Variants in PPFIBP1 observed in about 807,000 individuals in gnomAD.
The protein encoded by PPFIBP1 is liprin-beta-1.
A neutral mutation model predicts 137.8 loss-of-function variants in PPFIBP1; 112 were observed. The ratio of observed to expected loss-of-function variants is 0.81; its 90% CI spans 0.70 to 0.95. The LOEUF (loss-of-function observed/expected upper bound fraction) is 0.95. Among genes scored for constraint, PPFIBP1 ranks in the 40% least tolerant of loss-of-function variants. PPFIBP1 has a pLI of 0.00. For missense variants in PPFIBP1, 1,083 were observed against 1,196.6 expected (o/e 0.91, Z 1.40); for synonymous variants, 378 against 417.3 (o/e 0.91, Z 1.15).
intron 1 of PPFIBP1, among the ~76,000 whole-genome samples, chr12:27,545,398 C>T (rs1321810499): frequency 6.6e-6 from 1 of 152,074 alleles, no homozygotes; most frequent in African/African-American, 2.4e-5. Flanking sequence ...AAAAAATAAG[C>T]CTAGTGATCC....
At chr12:27,551,027 G>A (rs1946728054) in intron 1 of PPFIBP1, among the ~76,000 whole-genome samples, 1 of 149,528 alleles carries the variant, frequency 6.7e-6, no homozygotes, top group East Asian at 1.9e-4. Flanking sequence ...AACTGAGATA[G>A]GTACTCTTAT....
chr12:27,578,147 T>C lies in PPFIBP1; in HGVS notation c.-123-5T>C, dbSNP rs2050727060. ...CTTGTCGTTTTTGTATTTGTTTCTT[T>C]TCAGTATAAAAGAACGTGTGGATCA... On this transcript the variant is annotated splice_polypyrimidine_tract_variant and splice_region_variant and intron_variant, in intron 1 of 29. Coordinates refer to ENST00000228425, the MANE Select transcript of PPFIBP1 (RefSeq NM_003622.4). 6.6e-6 allele frequency: 1 copy of C among 152,240 alleles called. No individual in the cohort carries two copies. The highest frequency in any genetic ancestry group is 2.4e-5 in the African/African-American group (1 of 41,476). 9.4% of individuals were successfully genotyped at this position (152,240 alleles called of 1,614,324 possible).
chr12:27,611,787 T>G (rs1479655016), intron 2 of PPFIBP1, among the ~76,000 whole-genome samples: 2 of 3,682 alleles, frequency 5.4e-4, no homozygotes, highest in Non-Finnish European at 2.3e-3. Context: ...AACACTGTGC[T>G]CTCTCTCTCT....
chr12:27,629,864 A>G (rs1289417250), intron 2 of PPFIBP1, among the ~76,000 whole-genome samples: 1 of 152,178 alleles, frequency 6.6e-6, no homozygotes, highest in Non-Finnish European at 1.5e-5. Flanking sequence ...GTCTATTCTT[A>G]GTACTTCACC....
chr12:27,576,806 G>A (rs1479102144), intron 1 of PPFIBP1, among the ~76,000 whole-genome samples: 1 of 152,150 alleles, frequency 6.6e-6, no homozygotes, highest in East Asian at 1.9e-4. Flanking sequence ...TAAATCTTGT[G>A]TCTAAGTCTG....
intron 1 of PPFIBP1, among the ~76,000 whole-genome samples, chr12:27,555,015 A>G (rs537901363): frequency 2.6e-5 from 4 of 152,056 alleles, no homozygotes; most frequent in African/African-American, 9.6e-5. Context: ...CTGAGGACGG[A>G]CCTCAAATGG....
chr12:27,660,977 A>C (rs778682180), intron 11 of PPFIBP1, 32 bp downstream of exon 11: 14 of 1,607,992 alleles, frequency 8.7e-6, no homozygotes, highest in Non-Finnish European at 1.0e-5. Context: ...ATACGTGTGG[A>C]TGTTTTTTAA....
chr12:27,638,927 G>T (rs926644408), intron 4 of PPFIBP1, among the ~76,000 whole-genome samples: 4 of 152,042 alleles, frequency 2.6e-5, no homozygotes, highest in Non-Finnish European at 4.4e-5. Flanking sequence ...CTTTAAGATG[G>T]ATACTAACCT....
Position 27,687,632 on chromosome 12 carries a change from C to T in PPFIBP1, c.2370+125C>T, listed in dbSNP as rs2061280527. 5.3e-6 allele frequency: 6 copies of T among 1,126,306 alleles called. No individual in the cohort carries two copies. The East Asian group carries it at 1.3e-4, about 24-fold the overall frequency. The allele number at this position is 1,126,306 out of a possible 1,614,324, so 69.8% of individuals were successfully genotyped here. A position where few individuals can be genotyped will look rare whatever the true frequency, so the allele number is the denominator to read the frequency against. On this transcript the variant is annotated intron_variant, in intron 25 of 29. Coordinates refer to ENST00000228425, the MANE Select transcript of PPFIBP1 (RefSeq NM_003622.4). ...AAGCCTTAAAATCCAGCCTCATTTA[C>T]TTCTTAGGCTTTTTCTGTATTCCTT... is the stretch of plus-strand genomic sequence containing the variant.
chr12:27,658,900 T>G (rs1012685130), intron 10 of PPFIBP1, 52 bp downstream of exon 10: 1 of 1,531,044 alleles, frequency 6.5e-7, no homozygotes, highest in African/African-American at 1.4e-5. Flanking sequence ...AAATACTACC[T>G]TGGACTGTTC....
In PPFIBP1 at chr12:27,524,385, C is replaced by T. The variant is rs1296482226; in HGVS notation, c.-124+20C>T. ...CCCCAGGTAAGGGCGTTTTGCTCCA[C>T]TCCCAGACGGGAGGGAAGTGGCACC... On this transcript the variant is annotated intron_variant, in intron 1 of 29. Coordinates refer to ENST00000228425, the MANE Select transcript of PPFIBP1 (RefSeq NM_003622.4). 6.6e-6 allele frequency: 1 copy of T among 152,220 alleles called. No individual in the cohort carries two copies. The highest frequency in any genetic ancestry group is 6.5e-5 in the Admixed American group (1 of 15,282). The allele number at this position is 152,220 out of a possible 1,614,324, so 9.4% of individuals were successfully genotyped here.
Position 27,660,997 on chromosome 12 carries a change from G to T in PPFIBP1, c.906+52G>T. On this transcript the variant is annotated intron_variant, in intron 11 of 29. Transcript: ENST00000228425. ...TGTGGATGTTTTTTAACACCATTTT[G>T]ACCATTCCATGCAATTTCATGAGCT... The T allele has an allele frequency of 3.1e-6, 5 of 1,599,326 alleles. No individual in the cohort carries two copies. In the South Asian group the frequency reaches 5.6e-5, roughly 18 times the overall value.
At chr12:27,595,308 CTG>C (rs1044621410) in intron 2 of PPFIBP1, among the ~76,000 whole-genome samples, 36 of 152,314 alleles carry the variant, frequency 2.4e-4, no homozygotes, top group African/African-American at 7.2e-4. Context: ...GCACGCAAGA[CTG>C]TCACACCCTG....
chr12:27,656,781 A>G (rs201470848), intron 9 of PPFIBP1, 51 bp downstream of exon 9: 1 of 1,230,988 alleles, frequency 8.1e-7, no homozygotes. Flanking sequence ...AAGTCCTCCA[A>G]AATCTGTAAA....
rs1326093399 is a variant in PPFIBP1, at chr12:27,578,142, T to G, written c.-123-10T>G. 2.0e-5 allele frequency: 3 copies of G among 152,252 alleles called. No homozygotes were observed. Among genetic ancestry groups the G allele is most frequent in the Non-Finnish European group, 4.4e-5 (3 of 68,046 alleles). The allele number at this position is 152,252 out of a possible 1,614,324, so 9.4% of individuals were successfully genotyped here. On this transcript the variant is annotated splice_polypyrimidine_tract_variant and intron_variant, in intron 1 of 29. Transcript: ENST00000228425. ...TTTAACTTGTCGTTTTTGTATTTGT[T>G]TCTTTTCAGTATAAAAGAACGTGTG...
At chr12:27,691,699 A>G in intron 27 of PPFIBP1, 50 bp from the exon 28 acceptor site, 1 of 1,509,088 alleles carries the variant, frequency 6.6e-7, no homozygotes. Flanking sequence ...CCTTGATTAT[A>G]TGAATTTTAT....
chr12:27,646,325 C>G (rs1248599354), intron 5 of PPFIBP1, 177 bp downstream of exon 5: 6 of 651,288 alleles, frequency 9.2e-6, no homozygotes, highest in Admixed American at 2.1e-5. Flanking sequence ...GTGTTTACAC[C>G]CAGTTTAAAA....
At chr12:27,552,204 G>A (rs981414769) in intron 1 of PPFIBP1, among the ~76,000 whole-genome samples, 3 of 152,206 alleles carry the variant, frequency 2.0e-5, no homozygotes, top group Non-Finnish European at 4.4e-5. Flanking sequence ...TGAAATGGGT[G>A]TTATATTTTA....
At chr12:27,600,793 C>T (rs192451661) in intron 2 of PPFIBP1, among the ~76,000 whole-genome samples, 1,982 of 152,196 alleles carry the variant, frequency 0.013, 23 homozygotes, top group Non-Finnish European at 0.018. Flanking sequence ...TACTACTGAA[C>T]TGTACAGTTA....
Sources: allele counts gnomAD v4.1 joint callset (sites outside exome capture counted in the v4.1 genomes callset), GRCh38; gene constraint gnomAD v4.1.1; transcripts MANE v1.5; gene names NCBI Gene and HGNC (gene_info 2026-07-23, HGNC 2026-07-21).